Variants in SLC22A3 observed in about 807,000 individuals in gnomAD.
SLC22A3 encodes the protein EMT organic cation transporter 3.
A neutral mutation model predicts 59.1 loss-of-function variants in SLC22A3; 51 were observed. That is an observed-to-expected ratio of 0.86 (90% CI 0.69 to 1.09). The LOEUF (loss-of-function observed/expected upper bound fraction) is 1.09, where lower values mean the gene tolerates loss of function less well. Ranked by LOEUF, SLC22A3 falls within the 50% of genes least tolerant of loss-of-function variation. The pLI is 0.00. For missense variants in SLC22A3, 711 were observed against 726.3 expected (o/e 0.98, Z 0.24); for synonymous variants, 325 against 292.0 (o/e 1.11, Z -1.15).
chr6:160,376,534 T>A (rs1368849108), intron 1 of SLC22A3, among the ~76,000 whole-genome samples: 1 of 150,730 alleles, frequency 6.6e-6, no homozygotes, highest in Non-Finnish European at 1.5e-5. Context: ...AATTTTTTTT[T>A]AAGTGAATTT....
chr6:160,358,579 C>A (rs1363964533), intron 1 of SLC22A3, among the ~76,000 whole-genome samples: 1 of 152,152 alleles, frequency 6.6e-6, no homozygotes, highest in Admixed American at 6.5e-5. Context: ...TCGGAGCTAC[C>A]AGATTTGGCA....
intron 1 of SLC22A3, among the ~76,000 whole-genome samples, chr6:160,358,685 C>T (rs565896697): frequency 5.3e-5 from 8 of 152,324 alleles, no homozygotes; most frequent in African/African-American, 1.9e-4. Flanking sequence ...ATGCAGGAAC[C>T]GCTGAGCATG....
intron 5 of SLC22A3, among the ~76,000 whole-genome samples, chr6:160,423,116 A>G (rs1486226930): frequency 6.6e-6 from 1 of 152,164 alleles, no homozygotes; most frequent in Non-Finnish European, 1.5e-5. Flanking sequence ...TTTGCTGAGA[A>G]TGATGGTTTC....
intron 1 of SLC22A3, among the ~76,000 whole-genome samples, chr6:160,380,770 A>G (rs1346332322): frequency 6.6e-6 from 1 of 152,222 alleles, no homozygotes; most frequent in Non-Finnish European, 1.5e-5. Flanking sequence ...TAACGTAGTA[A>G]ATCATAGTTT....
At chr6:160,363,253 C>T (rs1360391434) in intron 1 of SLC22A3, among the ~76,000 whole-genome samples, 5 of 152,214 alleles carry the variant, frequency 3.3e-5, no homozygotes, top group Admixed American at 3.3e-4. Flanking sequence ...GGAAGCGGAG[C>T]AGAGGTCGCA....
At chr6:160,377,210 C>T (rs141328616) in intron 1 of SLC22A3, among the ~76,000 whole-genome samples, 8 of 152,240 alleles carry the variant, frequency 5.3e-5, no homozygotes, top group Admixed American at 3.9e-4. Flanking sequence ...TGTGGGCTGG[C>T]GTGGTGGCTC....
intron 1 of SLC22A3, among the ~76,000 whole-genome samples, chr6:160,397,404 C>T (rs937442397): frequency 4.0e-5 from 6 of 151,848 alleles, no homozygotes; most frequent in Non-Finnish European, 8.8e-5. Flanking sequence ...GTCCATGACT[C>T]GGTGGTTGGG....
At chr6:160,417,724 C>A (rs1017830970) in intron 5 of SLC22A3, among the ~76,000 whole-genome samples, 8 of 152,124 alleles carry the variant, frequency 5.3e-5, no homozygotes, top group Non-Finnish European at 1.2e-4. Flanking sequence ...GACCATGAGA[C>A]CTGCTTTGGC....
chr6:160,351,613 A>T (rs546469710), intron 1 of SLC22A3, among the ~76,000 whole-genome samples: 36 of 152,304 alleles, frequency 2.4e-4, no homozygotes, highest in African/African-American at 7.9e-4. Flanking sequence ...GATGAAAGGA[A>T]CTGTAGTTCC....
intron 1 of SLC22A3, 87 bp downstream of exon 1, chr6:160,348,935 C>T (rs1784569706): frequency 2.0e-6 from 3 of 1,531,378 alleles, no homozygotes; most frequent in African/African-American, 2.7e-5. Context: ...ACGCTGGCCG[C>T]CAGGGGAGGT....
chr6:160,408,967 A>T, intron 4 of SLC22A3, 46 bp downstream of exon 4: 1 of 1,547,076 alleles, frequency 6.5e-7, no homozygotes, highest in Non-Finnish European at 8.9e-7. Flanking sequence ...ATTCTGCAGA[A>T]ATTAGACTCC....
At chr6:160,450,894 T>C (rs911015955) in intron 10 of SLC22A3, 102 bp from the exon 11 acceptor site, 3 of 1,102,146 alleles carry the variant, frequency 2.7e-6, no homozygotes, top group Non-Finnish European at 4.0e-6. Flanking sequence ...TTTTCATGAA[T>C]GTATTTGATC....
chr6:160,373,683 C>T (rs943562577), intron 1 of SLC22A3, among the ~76,000 whole-genome samples: 1 of 152,150 alleles, frequency 6.6e-6, no homozygotes, highest in Non-Finnish European at 1.5e-5. Flanking sequence ...GGGCTTCTGC[C>T]TTTCTTTCAG....
chr6:160,380,138 A>G (rs1785743366), intron 1 of SLC22A3, among the ~76,000 whole-genome samples: 1 of 152,182 alleles, frequency 6.6e-6, no homozygotes, highest in African/African-American at 2.4e-5. Flanking sequence ...AGAATCTGTA[A>G]TCTACAGAAA....
intron 1 of SLC22A3, among the ~76,000 whole-genome samples, chr6:160,384,141 G>T (rs1464822798): frequency 6.6e-6 from 1 of 152,100 alleles, no homozygotes; most frequent in Non-Finnish European, 1.5e-5. Context: ...TGTTGGCTAG[G>T]CTGATCTCAA....
chr6:160,451,043 GCT>G lies in SLC22A3; in HGVS notation c.1662_1663del (p.His555ProfsTer44). On this transcript the variant is annotated frameshift_variant, in exon 11 of 11. Coordinates refer to ENST00000275300, the MANE Select transcript of SLC22A3 (RefSeq NM_021977.4). LOFTEE classifies it high-confidence loss of function. ...AGGAATAAGAAAACCCCAGTTTCCC[GCT>G]CTCACCTTTGAGGCCCCCGACAAAG... 6 of 1,593,518 alleles carry G rather than the reference GCT, an allele frequency of 3.8e-6. No individual in the cohort carries two copies. The highest frequency in any genetic ancestry group is 5.1e-6 in the Non-Finnish European group (6 of 1,168,278).
In SLC22A3 at chr6:160,397,970, T is replaced by C; in HGVS notation, c.430-9T>C. The C allele has an allele frequency of 1.2e-6, 2 of 1,609,518 alleles. No homozygotes were observed. Among genetic ancestry groups the C allele is most frequent in the Non-Finnish European group, 8.5e-7 (1 of 1,176,104 alleles). On this transcript the variant is annotated splice_polypyrimidine_tract_variant and intron_variant, in intron 1 of 10. Coordinates refer to ENST00000275300, the MANE Select transcript of SLC22A3 (RefSeq NM_021977.4). ...CATGTCTCCATGTGTGTTTTCTTTG[T>C]TTTCTCAGTTTGACCTTGTCTGTGT...
intron 1 of SLC22A3, among the ~76,000 whole-genome samples, chr6:160,378,765 G>A (rs978811643): frequency 6.6e-5 from 10 of 152,048 alleles, no homozygotes; most frequent in African/African-American, 1.9e-4. Flanking sequence ...GCCTGCAGTC[G>A]GGCAAAATTA....
At chr6:160,385,425 G>T (rs962635704) in intron 1 of SLC22A3, among the ~76,000 whole-genome samples, 60 of 152,294 alleles carry the variant, frequency 3.9e-4, no homozygotes, top group African/African-American at 1.3e-3. Context: ...GATATCCAAG[G>T]GTTCAGGAGC....
Sources: allele counts gnomAD v4.1 joint callset (sites outside exome capture counted in the v4.1 genomes callset), GRCh38; gene constraint gnomAD v4.1.1; transcripts MANE v1.5; gene names NCBI Gene and HGNC (gene_info 2026-07-23, HGNC 2026-07-21).